Variants in EFNA5 observed in about 807,000 individuals in gnomAD.
EFNA5 encodes ephrin-A5.
A neutral mutation model predicts 22.9 loss-of-function variants in EFNA5; 5 were observed. The ratio of observed to expected loss-of-function variants is 0.22; its 90% CI spans 0.11 to 0.46. The LOEUF is 0.46. EFNA5 is among the 20% of genes least tolerant of loss of function. The pLI, the probability that EFNA5 is intolerant of heterozygous loss-of-function variation, is 0.99. For missense variants in EFNA5, 237 were observed against 293.3 expected, an observed-to-expected ratio of 0.81 and a Z score of 1.40; for synonymous variants, 113 against 112.2, an observed-to-expected ratio of 1.01 and a Z score of -0.04.
At chr5:107,638,772 G>A (rs1315176869) in intron 1 of EFNA5, among the ~76,000 whole-genome samples, 1 of 152,064 alleles carries the variant, frequency 6.6e-6, no homozygotes, top group Non-Finnish European at 1.5e-5. Context: ...AGGGATGAAT[G>A]TACTTCAAAA....
At chr5:107,506,803 T>G (rs893382937) in intron 1 of EFNA5, among the ~76,000 whole-genome samples, 2 of 152,194 alleles carry the variant, frequency 1.3e-5, no homozygotes, top group African/African-American at 4.8e-5. Flanking sequence ...TGAAACCTAC[T>G]CAGAATCCTT....
chr5:107,537,060 G>A (rs1013830237), intron 1 of EFNA5, among the ~76,000 whole-genome samples: 8 of 143,008 alleles, frequency 5.6e-5, no homozygotes, highest in South Asian at 4.2e-4. Context: ...AGCCGACATC[G>A]TGCCACTGCA....
intron 1 of EFNA5, among the ~76,000 whole-genome samples, chr5:107,595,612 A>G (rs1749457367): frequency 6.6e-6 from 1 of 152,260 alleles, no homozygotes; most frequent in Admixed American, 6.5e-5. Flanking sequence ...TCCTGAAATC[A>G]TAAAACTTAT....
intron 1 of EFNA5, among the ~76,000 whole-genome samples, chr5:107,582,746 CAA>C (rs541017429): frequency 3.6e-5 from 5 of 139,268 alleles, no homozygotes; most frequent in Non-Finnish European, 1.6e-5. Flanking sequence ...AGATCTTGTA[CAA>C]AAAAAAAAAA....
rs760212432 is a variant in EFNA5 at position 107,613,093 on chromosome 5, G to A, written c.125+57396C>T. Among the ~76,000 whole-genome samples, 89 of 150,894 alleles carry A rather than the reference G, an allele frequency of 5.9e-4. 1 individual carries two copies. The highest frequency in any genetic ancestry group is 1.9e-3 in the African/African-American group (77 of 41,206). ...TCTATAAATTTAACAATTTTCTTTC[G>A]CAATAAAAAAAAAAGATGAAGGAAA... On this transcript the variant is annotated intron_variant, in intron 1 of 4. Transcript: ENST00000333274.
At chr5:107,591,352 A>ACCTGGTACCATAGAGCT (rs1296480560) in intron 1 of EFNA5, among the ~76,000 whole-genome samples, 5 of 152,138 alleles carry the variant, frequency 3.3e-5, no homozygotes, top group African/African-American at 1.2e-4. Flanking sequence ...AGAGCTGAAC[A>ACCTGGTACCATAGAGCT]CCAGGTACCC....
chr5:107,424,787 T>C (rs1431850526), intron 2 of EFNA5, among the ~76,000 whole-genome samples: 2 of 152,200 alleles, frequency 1.3e-5, no homozygotes, highest in African/African-American at 4.8e-5. Flanking sequence ...ATGACCACAG[T>C]ACATTAAACG....
chr5:107,501,613 T>C (rs956825229), intron 1 of EFNA5, among the ~76,000 whole-genome samples: 16 of 152,348 alleles, frequency 1.1e-4, no homozygotes, highest in African/African-American at 3.6e-4. Context: ...TGCACAACCA[T>C]TCACTATTTG....
At chr5:107,576,528 C>T (rs534690534) in intron 1 of EFNA5, among the ~76,000 whole-genome samples, 11 of 152,298 alleles carry the variant, frequency 7.2e-5, no homozygotes, top group Middle Eastern at 3.4e-3. Flanking sequence ...AGGAACTATG[C>T]CGACATTTCT....
chr5:107,519,685 T>C (rs915100046), intron 1 of EFNA5, among the ~76,000 whole-genome samples: 2 of 152,198 alleles, frequency 1.3e-5, no homozygotes, highest in Non-Finnish European at 2.9e-5. Flanking sequence ...CTGCAGAAAA[T>C]GTAAAATTAG....
At chr5:107,497,954 C>T (rs1193068387) in intron 1 of EFNA5, among the ~76,000 whole-genome samples, 1 of 152,200 alleles carries the variant, frequency 6.6e-6, no homozygotes, top group Non-Finnish European at 1.5e-5. Context: ...CTCAATCTGT[C>T]ACCCAGGCTG....
chr5:107,581,076 A>T (rs1749065890), intron 1 of EFNA5, among the ~76,000 whole-genome samples: 1 of 152,168 alleles, frequency 6.6e-6, no homozygotes, highest in Non-Finnish European at 1.5e-5. Context: ...TTGTAGCAAG[A>T]CCTCATTAAA....
chr5:107,627,792 A>G (rs1046931113), intron 1 of EFNA5, among the ~76,000 whole-genome samples: 2 of 152,186 alleles, frequency 1.3e-5, no homozygotes, highest in African/African-American at 4.8e-5. Flanking sequence ...AATTACCACA[A>G]TGATGTTTAC....
At chr5:107,489,660 A>ACC (rs4011600) in intron 1 of EFNA5, among the ~76,000 whole-genome samples, 23,860 of 142,908 alleles carry the variant, frequency 0.17, 2,821 homozygotes, top group African/African-American at 0.35. Flanking sequence ...GACCCCACCT[A>ACC]CCCCCCCCAC....
chr5:107,607,591 C>G (rs890516930), intron 1 of EFNA5, among the ~76,000 whole-genome samples: 2 of 152,122 alleles, frequency 1.3e-5, no homozygotes, highest in African/African-American at 4.8e-5. Flanking sequence ...CAATACTCAT[C>G]ATGACATAGA....
At chr5:107,613,373 A>G (rs10515375) in intron 1 of EFNA5, among the ~76,000 whole-genome samples, 12,138 of 152,106 alleles carry the variant, frequency 0.08, 1,197 homozygotes, top group African/African-American at 0.23. Flanking sequence ...AATATGGCCA[A>G]TGTAATTACT....
At chr5:107,405,591 T>C (rs557773233) in intron 2 of EFNA5, among the ~76,000 whole-genome samples, 1 of 152,200 alleles carries the variant, frequency 6.6e-6, no homozygotes, top group Non-Finnish European at 1.5e-5. Context: ...AATTACTTAC[T>C]TTAACAGACC....
At chr5:107,550,433 TAGAGGAGA>T (rs1192057531) in intron 1 of EFNA5, among the ~76,000 whole-genome samples, 1 of 152,170 alleles carries the variant, frequency 6.6e-6, no homozygotes, top group African/African-American at 2.4e-5. Flanking sequence ...GACAGTATTG[TAGAGGAGA>T]ATGATTATGC....
chr5:107,539,321 G>A (rs911376069), intron 1 of EFNA5, among the ~76,000 whole-genome samples: 2 of 152,216 alleles, frequency 1.3e-5, no homozygotes, highest in African/African-American at 4.8e-5. Flanking sequence ...CTCTGACACT[G>A]GGAAAGAGAG....
Sources: allele counts gnomAD v4.1 joint callset (sites outside exome capture counted in the v4.1 genomes callset), GRCh38; gene constraint gnomAD v4.1.1; transcripts MANE v1.5; gene names NCBI Gene and HGNC (gene_info 2026-07-23, HGNC 2026-07-21).